The following LAT2 variants were observed in gnomAD, a reference collection of about 807,000 sequenced individuals.
The protein encoded by LAT2 is linker for activation of T cells family member 2, also known as linker for activation of T-cells family member 2.
LAT2 carries 23 observed loss-of-function variants against 43.4 expected under a neutral mutation model. The ratio of observed to expected loss-of-function variants is 0.53; its 90% CI spans 0.38 to 0.75. The LOEUF is 0.75. Among genes scored for constraint, LAT2 ranks in the 30% least tolerant of loss-of-function variants. The probability of loss-of-function intolerance (pLI) is 0.00; values close to 1 mark genes in which losing one functional copy is unlikely to be tolerated. For synonymous variants in LAT2, 128 were observed against 123.2 expected, an observed-to-expected ratio of 1.04 and a Z score of -0.26; for missense variants, 284 against 310.2, an observed-to-expected ratio of 0.92 and a Z score of 0.64.
At chr7:74,228,554 G>A (rs1157596466) in intron 13 of LAT2, among the ~76,000 whole-genome samples, 2 of 150,702 alleles carry the variant, frequency 1.3e-5, no homozygotes, top group Admixed American at 6.6e-5. Context: ...GGGAAGCCGA[G>A]GTGGGCGGAT....
chr7:74,226,449 CCA>C (rs1182979645), intron 13 of LAT2: 3 of 151,890 alleles, frequency 2.0e-5, no homozygotes, highest in African/African-American at 4.9e-5. Context: ...TGTGGTCGTG[CCA>C]CTGCACTCAA....
At chr7:74,211,784 G>T (rs1801745761) in intron 1 of LAT2, among the ~76,000 whole-genome samples, 1 of 151,912 alleles carries the variant, frequency 6.6e-6, no homozygotes. Flanking sequence ...TAGAGACAGG[G>T]TTTCACCATG....
At position 74,227,759 on chromosome 7, in the gene LAT2, G is replaced by A. The variant is rs551696301; in HGVS notation, c.*19-1185G>A. Among the ~76,000 whole-genome samples the A allele has an allele frequency of 1.2e-4, 18 of 152,232 alleles. No homozygotes were observed. The East Asian group carries it at 3.1e-3, about 26-fold the overall frequency. On this transcript the variant is annotated intron_variant, in intron 13 of 13. Transcript: ENST00000460943. Reference sequence around the variant, plus strand: ...GTAGTGGCGCATACGTGTAGTCCCAGCTACTCGGAGGTTGAGGCGGGAGGA... The same window carrying A: ...GTAGTGGCGCATACGTGTAGTCCCAACTACTCGGAGGTTGAGGCGGGAGGA...
rs1802386704 is a variant in LAT2 at position 74,223,947 on chromosome 7, G to A, written c.449-71G>A. On this transcript the variant is annotated intron_variant, in intron 11 of 13. Coordinates refer to ENST00000460943, the MANE Select transcript of LAT2 (RefSeq NM_032464.3). ...TAGAGCCTTGCCCCTACTATCCTCG[G>A]AGGCAGCTCTATTGGCTCCTGGTGC... The A allele has an allele frequency of 1.7e-5, 26 of 1,536,846 alleles. 1 individual carries two copies. The South Asian group carries it at 2.9e-4, about 17-fold the overall frequency.
intron 9 of LAT2, among the ~76,000 whole-genome samples, chr7:74,221,065 G>T (rs1802255494): frequency 6.6e-6 from 1 of 152,080 alleles, no homozygotes; most frequent in Non-Finnish European, 1.5e-5. Context: ...GAATCCCTCG[G>T]GGGTGTTGCA....
intron 1 of LAT2, among the ~76,000 whole-genome samples, chr7:74,212,830 G>C (rs1272091215): frequency 6.6e-6 from 1 of 152,166 alleles, no homozygotes; most frequent in African/African-American, 2.4e-5. Context: ...CAACCTCCCG[G>C]GGTGACGTGG....
intron 1 of LAT2, 100 bp from the exon 2 acceptor site, chr7:74,214,722 A>T (rs1329743135): frequency 9.2e-4 from 96 of 104,002 alleles, no homozygotes; most frequent in African/African-American, 3.3e-3. Flanking sequence ...TATATATAAA[A>T]ATATAAATAT....
At chr7:74,221,799 G>A (rs566418005) in intron 10 of LAT2, 107 bp downstream of exon 10, 73 of 959,620 alleles carry the variant, frequency 7.6e-5, no homozygotes, top group Non-Finnish European at 8.4e-5. Flanking sequence ...CGGGTAAATC[G>A]GCAGAGCCGG....
At position 74,216,076 on chromosome 7, in the gene LAT2, G is replaced by A. The variant is rs2293758; in HGVS notation, c.94+7G>A. ...GTGCGCTGCTCACGCCCAGGTAAGC[G>A]GGGGTCTCGGGGACGTGATGGGGAG... On this transcript the variant is annotated splice_region_variant and intron_variant, in intron 3 of 13. Coordinates refer to ENST00000460943, the MANE Select transcript of LAT2 (RefSeq NM_032464.3). 0.055 allele frequency: 87,559 copies of A among 1,604,170 alleles called. 2,653 individuals are homozygous for A. Among genetic ancestry groups the A allele is most frequent in the Non-Finnish European group, 0.06 (70,000 of 1,175,354 alleles).
intron 10 of LAT2, 25 bp from the exon 11 acceptor site, chr7:74,223,699 G>C (rs551440643): frequency 1.9e-6 from 3 of 1,611,036 alleles, no homozygotes; most frequent in Non-Finnish European, 1.7e-6. Flanking sequence ...CCACACCCCC[G>C]TGCCCACTCC....
chr7:74,214,091 A>AATATATATAAATATATATATGAAAAT (rs1563966565), intron 1 of LAT2, among the ~76,000 whole-genome samples: 124 of 111,390 alleles, frequency 1.1e-3, no homozygotes, highest in Middle Eastern at 4.1e-3. Flanking sequence ...TATATGAAAA[A>AATATATATAAATATATATATGAAAAT]ATATATATAA....
At chr7:74,214,363 T>TATATATATATGAAAATATATATAA (rs1801897730) in intron 1 of LAT2, among the ~76,000 whole-genome samples, 1 of 58,864 alleles carries the variant, frequency 1.7e-5, no homozygotes, top group African/African-American at 7.3e-5. Flanking sequence ...TATATATAAA[T>TATATATATATGAAAATATATATAA]ATATATATAT....
chr7:74,228,629 CAAAA>C (rs1201432512), intron 13 of LAT2, among the ~76,000 whole-genome samples: 1 of 78,068 alleles, frequency 1.3e-5, no homozygotes, highest in African/African-American at 4.7e-5. Context: ...ACTAAAAATA[CAAAA>C]AAAAAAAAAA....
chr7:74,214,776 A>AATATATATATAAACATATATATATAAAT lies in LAT2; in HGVS notation c.-218-35_-218-34insAACATATATATATAAATATATATATATA, dbSNP rs1563968789. ...ATATATATATAAACATATATATATA[A>AATATATATATAAACATATATATATAAAT]ATATATATATATATATTTTTTTTTT... On this transcript the variant is annotated intron_variant, in intron 1 of 13. Coordinates refer to ENST00000460943, the MANE Select transcript of LAT2 (RefSeq NM_032464.3). The AATATATATATAAACATATATATATAAAT allele has an allele frequency of 3.2e-3, 194 of 60,902 alleles. 10 individuals carry two copies. The highest frequency in any genetic ancestry group is 0.016 in the African/African-American group (179 of 11,148). 3.8% of individuals were successfully genotyped at this position (60,902 alleles called of 1,614,324 possible). A position where few individuals can be genotyped will look rare whatever the true frequency, so the allele number is the denominator to read the frequency against.
At chr7:74,224,305 C>A in intron 12 of LAT2, 108 bp downstream of exon 12, 3 of 1,203,200 alleles carry the variant, frequency 2.5e-6, no homozygotes, top group African/African-American at 1.5e-5. Context: ...TCCAGCTAAC[C>A]CCGCAGTGAT....
In LAT2 at chr7:74,220,349, T is replaced by C; in HGVS notation, c.265+95T>C. The C allele has an allele frequency of 2.1e-6, 3 of 1,439,292 alleles. No individual in the cohort carries two copies. Among genetic ancestry groups the C allele is most frequent in the Admixed American group, 1.9e-5 (1 of 53,222 alleles). The allele number at this position is 1,439,292 out of a possible 1,614,324, so 89.2% of individuals were successfully genotyped here. On this transcript the variant is annotated intron_variant, in intron 7 of 13. Coordinates refer to ENST00000460943, the MANE Select transcript of LAT2 (RefSeq NM_032464.3). This position sits in a 1 kb window ranked among gnomAD's most constrained non-coding sequence, Gnocchi z 4.5. ...GGGACAGGCGTCGTGCAGTGGGGGC[T>C]GCGGGGCCAGGCGAGGCCTCCCCAG...
Position 74,220,204 on chromosome 7 carries a change from C to T in LAT2, c.228-13C>T, listed in dbSNP as rs782752481. 124 of 1,603,832 alleles carry T rather than the reference C, an allele frequency of 7.7e-5. No individual in the cohort carries two copies. The East Asian group carries it at 2.7e-3, about 35-fold the overall frequency. ...AGCCCCTCCTTTAACTCCCTCCTTC[C>T]CCCTCCCTGCAGGAAGGACAAGCTG... On this transcript the variant is annotated splice_polypyrimidine_tract_variant and intron_variant, in intron 6 of 13. Coordinates refer to ENST00000460943, the MANE Select transcript of LAT2 (RefSeq NM_032464.3). The surrounding 1 kb of genome is among the most constrained non-coding windows in gnomAD (Gnocchi z 4.5).
At chr7:74,212,473 G>C (rs1325999421) in intron 1 of LAT2, among the ~76,000 whole-genome samples, 1 of 151,680 alleles carries the variant, frequency 6.6e-6, no homozygotes, top group Non-Finnish European at 1.5e-5. Context: ...GTAGAAACAG[G>C]GTTTCACCAT....
At chr7:74,226,785 C>A (rs147050248) in intron 13 of LAT2, among the ~76,000 whole-genome samples, 2,521 of 152,234 alleles carry the variant, frequency 0.017, 48 homozygotes, top group South Asian at 0.021. Context: ...CGCAGTGTTG[C>A]AATTTAAGGA....
Sources: allele counts gnomAD v4.1 joint callset (sites outside exome capture counted in the v4.1 genomes callset), GRCh38; gene constraint gnomAD v4.1.1; non-coding constraint Gnocchi (gnomAD v3.1); transcripts MANE v1.5; gene names NCBI Gene and HGNC (gene_info 2026-07-23, HGNC 2026-07-21).